CERS6: variants seen among roughly 807,000 people sequenced by gnomAD.
The protein encoded by CERS6 is LAG1 homolog, ceramide synthase 6.
In CERS6, 26 loss-of-function variants were observed where a neutral mutation model predicts 56.8. The ratio of observed to expected loss-of-function variants is 0.46; its 90% CI spans 0.34 to 0.63. CERS6 has a LOEUF of 0.63. Ranked by LOEUF, CERS6 falls within the 30% of genes least tolerant of loss-of-function variation. The probability of loss-of-function intolerance (pLI) is 0.01; values close to 1 mark genes in which losing one functional copy is unlikely to be tolerated. For missense variants in CERS6, 415 were observed against 467.5 expected (o/e 0.89, Z 1.04); for synonymous variants, 164 against 173.3 (o/e 0.95, Z 0.42).
chr2:168,630,301 TACACACACACACAC>T (rs3066962), intron 3 of CERS6, among the ~76,000 whole-genome samples: 1 of 140,018 alleles, frequency 7.1e-6, no homozygotes, highest in Non-Finnish European at 1.6e-5. Flanking sequence ...GTAATAAGTA[TACACACACACACAC>T]ACACACACAC....
At chr2:168,596,158 G>T (rs916408400) in intron 3 of CERS6, among the ~76,000 whole-genome samples, 20 of 152,120 alleles carry the variant, frequency 1.3e-4, no homozygotes, top group African/African-American at 4.8e-4. Flanking sequence ...AAATGTTTAT[G>T]CATCTGGCTA....
chr2:168,619,021 G>A (rs1233145870), intron 3 of CERS6, among the ~76,000 whole-genome samples: 1 of 152,108 alleles, frequency 6.6e-6, no homozygotes, highest in African/African-American at 2.4e-5. Flanking sequence ...TAGATACATA[G>A]ACCAATGGAA....
At chr2:168,480,352 C>A (rs1694157131) in intron 1 of CERS6, among the ~76,000 whole-genome samples, 1 of 152,090 alleles carries the variant, frequency 6.6e-6, no homozygotes, top group African/African-American at 2.4e-5. Context: ...ATGTGTTAAA[C>A]CTTTATATGT....
chr2:168,458,472 C>T (rs1049755045), intron 1 of CERS6, among the ~76,000 whole-genome samples: 1 of 152,196 alleles, frequency 6.6e-6, no homozygotes, highest in Non-Finnish European at 1.5e-5. Context: ...TAGTTGAAAA[C>T]TGGAAGTTCA....
intron 1 of CERS6, among the ~76,000 whole-genome samples, chr2:168,525,878 A>G (rs904934574): frequency 6.6e-6 from 1 of 152,186 alleles, no homozygotes; most frequent in African/African-American, 2.4e-5. Flanking sequence ...TGAGTCTACC[A>G]CTGAGCTTTA....
At chr2:168,717,502 A>G (rs1210732409) in intron 7 of CERS6, among the ~76,000 whole-genome samples, 1 of 152,210 alleles carries the variant, frequency 6.6e-6, no homozygotes, top group African/African-American at 2.4e-5. Flanking sequence ...TTGAACTGTT[A>G]GGCCAGATTT....
chr2:168,760,823 T>G (rs1025593721), intron 8 of CERS6, among the ~76,000 whole-genome samples: 2 of 152,106 alleles, frequency 1.3e-5, no homozygotes, highest in Non-Finnish European at 2.9e-5. Context: ...TGGCGCGATC[T>G]CGGCTCACTG....
chr2:168,695,857 C>A (rs569158431), intron 6 of CERS6, among the ~76,000 whole-genome samples: 1 of 152,278 alleles, frequency 6.6e-6, no homozygotes, highest in South Asian at 2.1e-4. Context: ...TGGGTCCATA[C>A]TTCCACATCT....
At chr2:168,665,732 T>C (rs1022765136) in intron 4 of CERS6, among the ~76,000 whole-genome samples, 5 of 152,174 alleles carry the variant, frequency 3.3e-5, no homozygotes, top group Non-Finnish European at 5.9e-5. Flanking sequence ...CAACAGTGAC[T>C]GACATACAGT....
At chr2:168,731,497 A>G (rs993383806) in intron 8 of CERS6, among the ~76,000 whole-genome samples, 3 of 152,098 alleles carry the variant, frequency 2.0e-5, no homozygotes, top group African/African-American at 7.2e-5. Context: ...TTTTTATCTC[A>G]TGGAAATATA....
In CERS6 at chr2:168,483,694, C is replaced by A. The variant is rs1408078973; in HGVS notation, c.170+27076C>A. 1.3e-5 allele frequency among the ~76,000 whole-genome samples: 2 copies of A among 152,158 alleles called. 1 individual carries two copies. Among genetic ancestry groups the A allele is most frequent in the East Asian group, 3.8e-4 (2 of 5,202 alleles). On this transcript the variant is annotated intron_variant, in intron 1 of 9. Transcript: ENST00000305747. ...AAATTTAGTCCAGTCAACTTTGAATCCCTGGGGATTGAAGTAACGCTTCAT... is the reference window on the plus strand; with the variant it reads ...AAATTTAGTCCAGTCAACTTTGAATACCTGGGGATTGAAGTAACGCTTCAT...
chr2:168,550,643 A>ACACT (rs1031442231), intron 2 of CERS6, among the ~76,000 whole-genome samples: 2 of 152,196 alleles, frequency 1.3e-5, no homozygotes, highest in African/African-American at 4.8e-5. Context: ...ACTGGCTGAC[A>ACACT]CACTGTACCT....
At chr2:168,520,608 T>TTTTTTTTTTTTTTTTTTTTTTTG in intron 1 of CERS6, among the ~76,000 whole-genome samples, 1 of 126,230 alleles carries the variant, frequency 7.9e-6, no homozygotes, top group Non-Finnish European at 1.7e-5. Flanking sequence ...CTTTTTTTTT[T>TTTTTTTTTTTTTTTTTTTTTTTG]TTTTTTTTTT....
intron 3 of CERS6, among the ~76,000 whole-genome samples, chr2:168,604,392 TG>T (rs1559016914): frequency 0.082 from 471 of 5,718 alleles, 10 homozygotes; most frequent in Admixed American, 0.12. Flanking sequence ...GTTGTATACG[TG>T]TGTGTGTGTG....
rs1684851048 is a variant in CERS6, at chr2:168,771,132, T to A, written c.*1470T>A. The A allele has an allele frequency of 6.6e-6, 1 of 152,176 alleles. No homozygotes were observed. The highest frequency in any genetic ancestry group is 1.5e-5 in the Non-Finnish European group (1 of 68,038). The allele number at this position is 152,176 out of a possible 1,614,324, so 9.4% of individuals were successfully genotyped here. On this transcript the variant is annotated 3_prime_UTR_variant, in exon 10 of 10. Transcript: ENST00000305747. ...CGAACCCCAAACAAAAATGCCATAA[T>A]ATAAATGTGTGAATCAGGGCTGTGA...
At chr2:168,484,042 A>C (rs373309930) in intron 1 of CERS6, among the ~76,000 whole-genome samples, 3 of 152,176 alleles carry the variant, frequency 2.0e-5, no homozygotes, top group African/African-American at 7.2e-5. Context: ...CAGTATGTTC[A>C]AAGCTAAAAG....
At chr2:168,745,741 G>C (rs1684079570) in intron 8 of CERS6, among the ~76,000 whole-genome samples, 1 of 152,198 alleles carries the variant, frequency 6.6e-6, no homozygotes, top group Non-Finnish European at 1.5e-5. Flanking sequence ...TGATCCAGAA[G>C]TCTGGGTTCA....
chr2:168,481,993 C>G (rs940601485), intron 1 of CERS6, among the ~76,000 whole-genome samples: 6 of 152,156 alleles, frequency 3.9e-5, no homozygotes, highest in African/African-American at 1.4e-4. Flanking sequence ...CAAAGACTTT[C>G]AACAGTTCTG....
chr2:168,559,729 G>C (rs1695749533), intron 2 of CERS6, among the ~76,000 whole-genome samples: 1 of 8,150 alleles, frequency 1.2e-4, no homozygotes, highest in South Asian at 0.011. Context: ...CTTTTAGAAA[G>C]GTATCATATA....
Sources: gnomAD v4.1 joint callset for allele counts (sites outside exome capture counted in the v4.1 genomes callset) on GRCh38, gnomAD v4.1.1 for gene constraint, MANE v1.5 for transcripts, NCBI Gene and HGNC (gene_info 2026-07-23, HGNC 2026-07-21) for gene names.